The following AGBL4 variants were observed in gnomAD, a reference collection of about 807,000 sequenced individuals.
AGBL4 encodes the protein AGBL carboxypeptidase 4.
In AGBL4, 58 loss-of-function variants were observed where a neutral mutation model predicts 66.4. The ratio of observed to expected loss-of-function variants is 0.87; its 90% CI spans 0.71 to 1.09. The LOEUF (loss-of-function observed/expected upper bound fraction) is 1.09. AGBL4 is among the 50% of genes least tolerant of loss of function. AGBL4 has a pLI of 0.00. For synonymous variants in AGBL4, 234 were observed against 222.9 expected, an observed-to-expected ratio of 1.05 and a Z score of -0.44; for missense variants, 579 against 631.0, an observed-to-expected ratio of 0.92 and a Z score of 0.88.
rs1645270225 is a variant in AGBL4, at chr1:48,613,426, A to G, written c.951+21067T>C. On this transcript the variant is annotated intron_variant, in intron 9 of 13. Transcript: ENST00000371839. ...CATATTCTGATTCAGCAATAAAGTA[A>G]TTTTGGTTGATTAGATCATTGTTCC... Among the ~76,000 whole-genome samples the G allele has an allele frequency of 2.0e-5, 3 of 152,176 alleles. No homozygotes were observed. In the South Asian group the frequency reaches 6.2e-4, roughly 32 times the overall value.
At chr1:49,688,195 A>G (rs1355819080) in intron 3 of AGBL4, among the ~76,000 whole-genome samples, 1 of 152,140 alleles carries the variant, frequency 6.6e-6, no homozygotes, top group Non-Finnish European at 1.5e-5. Flanking sequence ...ACCCACTTCC[A>G]CACCCTCCCC....
chr1:48,949,502 A>G (rs927570485), intron 5 of AGBL4, among the ~76,000 whole-genome samples: 4 of 152,238 alleles, frequency 2.6e-5, no homozygotes, highest in Non-Finnish European at 5.9e-5. Context: ...AATGGGACAC[A>G]TTCTCCATGT....
chr1:49,409,783 T>A (rs1645280272), intron 3 of AGBL4, among the ~76,000 whole-genome samples: 1 of 152,238 alleles, frequency 6.6e-6, no homozygotes, highest in South Asian at 2.1e-4. Flanking sequence ...TACTTCCTCT[T>A]AATGAACAAA....
chr1:48,600,066 C>T (rs908434505), intron 9 of AGBL4, among the ~76,000 whole-genome samples: 2 of 152,052 alleles, frequency 1.3e-5, no homozygotes, highest in African/African-American at 2.4e-5. Context: ...TTTATGAAAA[C>T]CATGAACAAC....
At chr1:49,688,918 T>A (rs549010839) in intron 3 of AGBL4, among the ~76,000 whole-genome samples, 1 of 152,242 alleles carries the variant, frequency 6.6e-6, no homozygotes, top group East Asian at 1.9e-4. Context: ...TTTTAAATCA[T>A]ATTATTTGAT....
chr1:49,884,291 A>G (rs1429785458), intron 1 of AGBL4, among the ~76,000 whole-genome samples: 1 of 151,944 alleles, frequency 6.6e-6, no homozygotes, highest in Non-Finnish European at 1.5e-5. Context: ...CCCTTAAAAT[A>G]TTGTTCTGAA....
intron 2 of AGBL4, among the ~76,000 whole-genome samples, chr1:49,722,700 T>C (rs1473765943): frequency 6.6e-6 from 1 of 152,168 alleles, no homozygotes; most frequent in Non-Finnish European, 1.5e-5. Flanking sequence ...AAAGATCTGA[T>C]TTAGCTCTAT....
rs745347532 is a variant in AGBL4 at position 49,045,732 on chromosome 1, G to A, written c.446C>T (p.Ser149Phe). The A allele has an allele frequency of 2.1e-5, 33 of 1,552,012 alleles. No individual in the cohort carries two copies. Among genetic ancestry groups the A allele is most frequent in the Non-Finnish European group, 2.8e-5 (32 of 1,147,072 alleles). ...TTCTCGGTCAAAACAAAAGGCAAAG[G>A]ACATCACATAGTTCTTCCTATGGTC... ...CPDHRKNYVM[S>F]FAFCFDREED... The change falls in exon 5 of 14, where the codon TCC becomes TTC. Residue 149 changes from serine (S) to phenylalanine (F), a missense_variant. Coordinates refer to ENST00000371839, the MANE Select transcript of AGBL4 (RefSeq NM_032785.4).
chr1:49,640,545 CT>C (rs1282651722), intron 3 of AGBL4, among the ~76,000 whole-genome samples: 1 of 152,100 alleles, frequency 6.6e-6, no homozygotes, highest in Non-Finnish European at 1.5e-5. Flanking sequence ...ACTATAACAT[CT>C]TTTTTATGTA....
intron 4 of AGBL4, among the ~76,000 whole-genome samples, chr1:49,107,400 G>C (rs1280458205): frequency 2.6e-5 from 4 of 152,148 alleles, no homozygotes; most frequent in African/African-American, 9.6e-5. Flanking sequence ...AGGTTTATGG[G>C]GATGTAACAT....
At chr1:49,850,581 C>T (rs1460890023) in intron 2 of AGBL4, among the ~76,000 whole-genome samples, 4 of 152,040 alleles carry the variant, frequency 2.6e-5, no homozygotes, top group Non-Finnish European at 5.9e-5. Flanking sequence ...AAGAGCAACA[C>T]CCTGCATAAA....
intron 11 of AGBL4, among the ~76,000 whole-genome samples, chr1:48,575,794 C>T (rs1644644210): frequency 6.6e-6 from 1 of 152,214 alleles, no homozygotes; most frequent in Admixed American, 6.5e-5. Context: ...TCTGTCACAA[C>T]TGTCCTGCAG....
chr1:49,560,694 A>G (rs1030533835), intron 3 of AGBL4, among the ~76,000 whole-genome samples: 2 of 152,156 alleles, frequency 1.3e-5, no homozygotes, highest in African/African-American at 4.8e-5. Flanking sequence ...ATAAATAAAG[A>G]TTCCTAAAAG....
At chr1:49,356,672 T>A (rs80344104) in intron 3 of AGBL4, among the ~76,000 whole-genome samples, 1 of 152,096 alleles carries the variant, frequency 6.6e-6, no homozygotes, top group Non-Finnish European at 1.5e-5. Flanking sequence ...AACATCAGGA[T>A]TGATGGGCCC....
In AGBL4 at chr1:48,788,001, G is replaced by A. The variant is rs995975633; in HGVS notation, c.634+79190C>T. ...CCATTCTGGAGAGGCAGCATGTCAC[G>A]AGAGGTATATGGCAATATGAAAAGT... On this transcript the variant is annotated intron_variant, in intron 6 of 13. Transcript: ENST00000371839. Among the ~76,000 whole-genome samples the A allele has an allele frequency of 2.0e-5, 3 of 152,224 alleles. No homozygotes were observed. In the East Asian group the frequency reaches 5.8e-4, roughly 29 times the overall value.
intron 2 of AGBL4, among the ~76,000 whole-genome samples, chr1:49,764,034 GA>G (rs981197109): frequency 1.3e-5 from 2 of 152,100 alleles, no homozygotes; most frequent in African/African-American, 4.8e-5. Context: ...TGTTCCTCTG[GA>G]AAGCAGCCAT....
At chr1:49,164,045 T>C (rs910305069) in intron 4 of AGBL4, among the ~76,000 whole-genome samples, 7 of 152,154 alleles carry the variant, frequency 4.6e-5, no homozygotes, top group African/African-American at 1.7e-4. Context: ...GAAGAATTTA[T>C]TGTGAATTTT....
At chr1:49,530,274 A>AAAAAAAAAAAAC (rs1553221141) in intron 3 of AGBL4, among the ~76,000 whole-genome samples, 3 of 134,760 alleles carry the variant, frequency 2.2e-5, no homozygotes, top group African/African-American at 9.7e-5. Flanking sequence ...AAAAAAAAAC[A>AAAAAAAAAAAAC]AAAAAAAACT....
At chr1:48,994,122 T>C (rs12406070) in intron 5 of AGBL4, among the ~76,000 whole-genome samples, 3,939 of 152,262 alleles carry the variant, frequency 0.026, 143 homozygotes, top group Admixed American at 0.11. Flanking sequence ...TCTCCACTCT[T>C]CATTTTCTAC....
Sources: gnomAD v4.1 joint callset for allele counts (sites outside exome capture counted in the v4.1 genomes callset) on GRCh38, gnomAD v4.1.1 for gene constraint, MANE v1.5 for transcripts, NCBI Gene and HGNC (gene_info 2026-07-23, HGNC 2026-07-21) for gene names.